The following TAFA5 variants were observed in gnomAD, a reference collection of about 807,000 sequenced individuals.
The protein encoded by TAFA5 is chemokine-like protein TAFA-5.
In TAFA5, 6 loss-of-function variants were observed where a neutral mutation model predicts 15.3. That is an observed-to-expected ratio of 0.39 (90% CI 0.21 to 0.77). The LOEUF is 0.77. Among genes scored for constraint, TAFA5 ranks in the 30% least tolerant of loss-of-function variants. The pLI, the probability that TAFA5 is intolerant of heterozygous loss-of-function variation, is 0.41. For synonymous variants in TAFA5, 103 were observed against 80.7 expected, an observed-to-expected ratio of 1.28 and a Z score of -1.48; for missense variants, 161 against 193.1, an observed-to-expected ratio of 0.83 and a Z score of 0.98.
At chr22:48,558,861 G>T (rs1446221303) in intron 1 of TAFA5, among the ~76,000 whole-genome samples, 1 of 152,234 alleles carries the variant, frequency 6.6e-6, no homozygotes, top group Non-Finnish European at 1.5e-5. Context: ...CCACCTCCTG[G>T]GCTTCACTTG....
intron 2 of TAFA5, among the ~76,000 whole-genome samples, chr22:48,684,842 C>T (rs915701022): frequency 2.6e-5 from 4 of 152,218 alleles, no homozygotes; most frequent in Non-Finnish European, 4.4e-5. Context: ...ACTTACCTCT[C>T]GGGGTGCGGC....
intron 1 of TAFA5, among the ~76,000 whole-genome samples, chr22:48,515,403 C>A (rs1267515024): frequency 6.6e-6 from 1 of 152,186 alleles, no homozygotes; most frequent in Non-Finnish European, 1.5e-5. Flanking sequence ...TCCTGCCTGA[C>A]CCCTGACCCC....
At position 48,584,305 on chromosome 22, in the gene TAFA5, C is replaced by CCA. The variant is rs746910090; in HGVS notation, c.113-62281_113-62280dup. On this transcript the variant is annotated intron_variant, in intron 1 of 3. Coordinates refer to ENST00000402357, the MANE Select transcript of TAFA5 (RefSeq NM_001082967.3). ...CACACCACACACAGCAGACAGCAGA[C>CCA]CACACACACACAAAATACACCACAC... is the stretch of plus-strand genomic sequence containing the variant. Among the ~76,000 whole-genome samples the CCA allele has an allele frequency of 5.5e-5, 8 of 145,006 alleles. No homozygotes were observed. The East Asian group carries it at 1.5e-3, about 26-fold the overall frequency.
chr22:48,631,451 T>C (rs976262380), intron 1 of TAFA5, among the ~76,000 whole-genome samples: 20 of 152,312 alleles, frequency 1.3e-4, no homozygotes, highest in African/African-American at 3.6e-4. Flanking sequence ...GTGCGGCCCG[T>C]GCAGGCGCTG....
chr22:48,641,848 G>A (rs1208346310), intron 1 of TAFA5, among the ~76,000 whole-genome samples: 1 of 152,150 alleles, frequency 6.6e-6, no homozygotes, highest in Non-Finnish European at 1.5e-5. Flanking sequence ...AAGGAATTGT[G>A]ATTACTTGCT....
intron 1 of TAFA5, among the ~76,000 whole-genome samples, chr22:48,541,178 C>T (rs369011624): frequency 2.6e-5 from 4 of 152,242 alleles, no homozygotes; most frequent in South Asian, 2.1e-4. Context: ...CCTGTCCTCC[C>T]GGGGCGTTTG....
intron 1 of TAFA5, among the ~76,000 whole-genome samples, chr22:48,603,382 A>C (rs1925045914): frequency 6.6e-6 from 1 of 152,214 alleles, no homozygotes. Context: ...CGGCACCACC[A>C]CGCTGGGCAG....
intron 1 of TAFA5, among the ~76,000 whole-genome samples, chr22:48,585,328 C>A (rs953563398): frequency 2.0e-5 from 3 of 149,708 alleles, no homozygotes; most frequent in African/African-American, 7.4e-5. Flanking sequence ...AAAATATTCA[C>A]ACACACACAC....
chr22:48,542,646 G>GTGTGGTGTGTGTT (rs1486841718), intron 1 of TAFA5, among the ~76,000 whole-genome samples: 2 of 134,836 alleles, frequency 1.5e-5, no homozygotes, highest in Non-Finnish European at 3.2e-5. Context: ...TGATGTGTGT[G>GTGTGGTGTGTGTT]TGTGGTGTGT....
intron 1 of TAFA5, among the ~76,000 whole-genome samples, chr22:48,575,835 C>G (rs1923759027): frequency 2.8e-5 from 4 of 143,392 alleles, no homozygotes; most frequent in Admixed American, 2.1e-4. Context: ...AGCCCCGCGC[C>G]CGGCGCGCAG....
intron 1 of TAFA5, among the ~76,000 whole-genome samples, chr22:48,596,583 C>T (rs1445636744): frequency 1.3e-5 from 2 of 152,206 alleles, no homozygotes; most frequent in Middle Eastern, 3.4e-3. Flanking sequence ...CACAGGGTCC[C>T]GTGATAACAG....
intron 2 of TAFA5, among the ~76,000 whole-genome samples, chr22:48,665,487 C>T (rs1028385236): frequency 6.6e-6 from 1 of 152,152 alleles, no homozygotes; most frequent in South Asian, 2.1e-4. Context: ...CGTTCTCTCG[C>T]GTTCTTGTCC....
chr22:48,700,535 C>T (rs1318854017), intron 2 of TAFA5, among the ~76,000 whole-genome samples: 1 of 152,162 alleles, frequency 6.6e-6, no homozygotes, highest in South Asian at 2.1e-4. Flanking sequence ...GGGGGTGCCC[C>T]TTGGGTAGGA....
At chr22:48,614,463 T>TG (rs1298504683) in intron 1 of TAFA5, among the ~76,000 whole-genome samples, 2 of 152,202 alleles carry the variant, frequency 1.3e-5, no homozygotes, top group African/African-American at 4.8e-5. Context: ...GCACGACACT[T>TG]GCTGGTTTCA....
Position 48,598,869 on chromosome 22 carries a change from C to G in TAFA5, c.113-47728C>G, listed in dbSNP as rs1174395666. 1.3e-5 allele frequency among the ~76,000 whole-genome samples: 2 copies of G among 152,140 alleles called. No homozygotes were observed. The highest frequency in any genetic ancestry group is 4.8e-5 in the African/African-American group (2 of 41,438). On this transcript the variant is annotated intron_variant, in intron 1 of 3. Transcript: ENST00000402357. This position sits in a 1 kb window ranked among gnomAD's most constrained non-coding sequence, Gnocchi z 4.0. Reference sequence around the variant, plus strand: ...TATTTCCGACTGACTGAATATAAGTCAGGGGGTTTCCACCACCCTCTCCTG... The same window carrying G: ...TATTTCCGACTGACTGAATATAAGTGAGGGGGTTTCCACCACCCTCTCCTG...
intron 3 of TAFA5, among the ~76,000 whole-genome samples, chr22:48,743,286 C>G (rs1930234474): frequency 6.6e-6 from 1 of 152,208 alleles, no homozygotes; most frequent in African/African-American, 2.4e-5. Context: ...GAGGCTCCAG[C>G]AGAGGGTCCT....
chr22:48,511,296 G>A (rs1221920435), intron 1 of TAFA5, among the ~76,000 whole-genome samples: 2 of 152,146 alleles, frequency 1.3e-5, no homozygotes, highest in African/African-American at 2.4e-5. Context: ...CCACCTTCTC[G>A]GGCTGGCCTC....
Position 48,611,081 on chromosome 22 carries a change from G to A in TAFA5, c.113-35516G>A, listed in dbSNP as rs551307916. On this transcript the variant is annotated intron_variant, in intron 1 of 3. Transcript: ENST00000402357. ...CCCTAGTAGCTGGGATTACAGGTGC[G>A]AATCACCACGCCCAGCTAATTTTTT... Among the ~76,000 whole-genome samples, 12 of 152,102 alleles carry A rather than the reference G, an allele frequency of 7.9e-5. No individual in the cohort carries two copies. The South Asian group carries it at 1.5e-3, about 18-fold the overall frequency.
At chr22:48,582,363 C>T (rs999563159) in intron 1 of TAFA5, among the ~76,000 whole-genome samples, 12 of 148,754 alleles carry the variant, frequency 8.1e-5, no homozygotes, top group South Asian at 4.3e-4. Context: ...AAATACACCA[C>T]GTACCACACA....
Sources: gnomAD v4.1 joint callset for allele counts (sites outside exome capture counted in the v4.1 genomes callset) on GRCh38, gnomAD v4.1.1 for gene constraint, Gnocchi (gnomAD v3.1) non-coding constraint, MANE v1.5 for transcripts, NCBI Gene and HGNC (gene_info 2026-07-23, HGNC 2026-07-21) for gene names.